The following ADGRL2 variants were observed in gnomAD, a reference collection of about 807,000 sequenced individuals.
ADGRL2 encodes adhesion G protein-coupled receptor L2.
In ADGRL2, 44 loss-of-function variants were observed where a neutral mutation model predicts 157.4. The ratio of observed to expected loss-of-function variants is 0.28; its 90% confidence interval spans 0.22 to 0.36. The LOEUF is 0.36. Among genes scored for constraint, ADGRL2 ranks in the 10% least tolerant of loss-of-function variants. The pLI is 1.00. For missense variants in ADGRL2, 1,510 were observed against 1,768.9 expected (o/e 0.85, Z 2.63); for synonymous variants, 585 against 624.7 (o/e 0.94, Z 0.95).
intron 3 of ADGRL2, among the ~76,000 whole-genome samples, chr1:81,620,317 A>G (rs542403347): frequency 9.8e-5 from 15 of 152,352 alleles, no homozygotes; most frequent in Admixed American, 5.9e-4. Flanking sequence ...TCATTTTTGC[A>G]TGTGAAATTT....
At chr1:81,987,294 A>G in intron 22 of ADGRL2, 1 of 1,597,448 alleles carries the variant, frequency 6.3e-7, no homozygotes, top group Non-Finnish European at 8.6e-7. Flanking sequence ...TACAGGACTG[A>G]CATCACATGG....
intron 2 of ADGRL2, among the ~76,000 whole-genome samples, chr1:81,857,878 TC>T (rs2093257877): frequency 6.6e-6 from 1 of 152,200 alleles, no homozygotes; most frequent in Admixed American, 6.6e-5. Flanking sequence ...GGAATTTTTA[TC>T]TTATTTATAC....
At chr1:81,441,724 G>A (rs1443888561) in intron 1 of ADGRL2, among the ~76,000 whole-genome samples, 1 of 152,118 alleles carries the variant, frequency 6.6e-6, no homozygotes, top group Admixed American at 6.5e-5. Context: ...ATTTTTAGTA[G>A]AGACGGGGTT....
chr1:81,331,546 A>G (rs1570640157), intron 1 of ADGRL2, among the ~76,000 whole-genome samples: 1 of 152,152 alleles, frequency 6.6e-6, no homozygotes, highest in Non-Finnish European at 1.5e-5. Context: ...ATTATTAGCT[A>G]TATATAAATA....
intron 1 of ADGRL2, among the ~76,000 whole-genome samples, chr1:81,386,000 C>T (rs530548150): frequency 2.0e-4 from 30 of 152,062 alleles, no homozygotes; most frequent in African/African-American, 7.0e-4. Flanking sequence ...CCTTTAGGAA[C>T]TTGTGGCTAA....
intron 2 of ADGRL2, among the ~76,000 whole-genome samples, chr1:81,794,198 A>G (rs1309155585): frequency 6.6e-6 from 1 of 152,188 alleles, no homozygotes; most frequent in African/African-American, 2.4e-5. Flanking sequence ...TTGTTTGAAC[A>G]ATTAAAAATA....
intron 1 of ADGRL2, among the ~76,000 whole-genome samples, chr1:81,412,211 T>G (rs983340003): frequency 7.2e-5 from 11 of 152,268 alleles, no homozygotes; most frequent in Admixed American, 3.3e-4. Context: ...AGAGCCAGGA[T>G]TCAAGCCCAG....
At chr1:81,873,304 G>A (rs2093746696) in intron 2 of ADGRL2, among the ~76,000 whole-genome samples, 1 of 152,044 alleles carries the variant, frequency 6.6e-6, no homozygotes, top group African/African-American at 2.4e-5. Context: ...CTGTCATAAA[G>A]GATTATCATT....
intron 1 of ADGRL2, among the ~76,000 whole-genome samples, chr1:81,822,006 G>A (rs978209293): frequency 2.1e-5 from 3 of 143,842 alleles, no homozygotes; most frequent in Non-Finnish European, 4.5e-5. Flanking sequence ...AATGCTGTGT[G>A]CATTATAGGT....
chr1:81,722,763 G>A, intron 1 of ADGRL2: 1 of 795,580 alleles, frequency 1.3e-6, no homozygotes, highest in African/African-American at 1.7e-5. Flanking sequence ...CTCAAGAAGA[G>A]CATGAGAGAG....
chr1:81,904,654 A>T (rs2094551246), intron 2 of ADGRL2, among the ~76,000 whole-genome samples: 1 of 152,212 alleles, frequency 6.6e-6, no homozygotes, highest in South Asian at 2.1e-4. Context: ...TCATGCCTGT[A>T]ACCACAGCAC....
At chr1:81,582,801 A>G (rs1406107719) in intron 3 of ADGRL2, among the ~76,000 whole-genome samples, 3 of 152,186 alleles carry the variant, frequency 2.0e-5, no homozygotes, top group African/African-American at 7.2e-5. Context: ...TAAACTATTT[A>G]TAGTGTGCTT....
intron 1 of ADGRL2, among the ~76,000 whole-genome samples, chr1:81,347,120 T>C (rs902793803): frequency 2.6e-5 from 4 of 152,154 alleles, no homozygotes; most frequent in Non-Finnish European, 4.4e-5. Flanking sequence ...CATTCTGGGT[T>C]GGGTGCAGTG....
intron 1 of ADGRL2, among the ~76,000 whole-genome samples, chr1:81,747,161 ATG>A (rs1324889765): frequency 3.7e-5 from 5 of 135,512 alleles, no homozygotes; most frequent in African/African-American, 8.1e-5. Flanking sequence ...GTATATATGT[ATG>A]TGTGTATATA....
chr1:81,329,625 T>C (rs546578446), intron 1 of ADGRL2, among the ~76,000 whole-genome samples: 2 of 152,290 alleles, frequency 1.3e-5, no homozygotes, highest in South Asian at 4.1e-4. Flanking sequence ...CATCATACTT[T>C]AGAAAAGAAA....
At chr1:81,890,532 G>A (rs146576925) in intron 2 of ADGRL2, among the ~76,000 whole-genome samples, 12 of 152,220 alleles carry the variant, frequency 7.9e-5, no homozygotes, top group Non-Finnish European at 1.5e-4. Context: ...GTTGGGGGTC[G>A]GGGAGAATTT....
chr1:81,310,013 T>C lies in ADGRL2; in HGVS notation c.-302+3504T>C, dbSNP rs1309240519. Among the ~76,000 whole-genome samples the C allele has an allele frequency of 6.6e-5, 10 of 152,176 alleles. No individual in the cohort carries two copies. The East Asian group carries it at 1.9e-3, about 29-fold the overall frequency. ...ATACTTTTTTCTGTCTTGTCATACC[T>C]TTCTTCAAAATATTCTGGGTAGTAG... On this transcript the variant is annotated intron_variant, in intron 1 of 24. Coordinates refer to the ADGRL2 transcript ENST00000370721.
rs2087265242 is a variant in ADGRL2, at chr1:81,790,216, C to A, written c.-101+28364C>A. 2.0e-5 allele frequency among the ~76,000 whole-genome samples: 3 copies of A among 152,080 alleles called. No individual in the cohort carries two copies. The South Asian group carries it at 6.2e-4, about 31-fold the overall frequency. On this transcript the variant is annotated intron_variant, in intron 2 of 20. Coordinates refer to the ADGRL2 transcript ENST00000359929. ...TGAATTCAATAATTCACATGCGTTA[C>A]TTTCCTGCTTTCCTTGAGATATTTC...
chr1:81,376,106 T>A (rs911237632), intron 1 of ADGRL2, among the ~76,000 whole-genome samples: 3 of 152,216 alleles, frequency 2.0e-5, no homozygotes, highest in African/African-American at 7.2e-5. Flanking sequence ...CTTACTGGGC[T>A]GAGTAATACA....
Sources: gnomAD v4.1 joint callset for allele counts (sites outside exome capture counted in the v4.1 genomes callset) on GRCh38, gnomAD v4.1.1 for gene constraint, MANE v1.5 for transcripts, NCBI Gene and HGNC (gene_info 2026-07-23, HGNC 2026-07-21) for gene names.